Variants in PTPN7 observed in about 807,000 individuals in gnomAD.
The protein encoded by PTPN7 is protein tyrosine phosphatase non-receptor type 7.
PTPN7 carries 33 observed loss-of-function variants against 50.3 expected under a neutral mutation model. The ratio of observed to expected loss-of-function variants is 0.66; its 90% CI spans 0.50 to 0.88. The LOEUF is 0.88. Among genes scored for constraint, PTPN7 ranks in the 40% least tolerant of loss-of-function variants. The pLI, the probability that PTPN7 is intolerant of heterozygous loss-of-function variation, is 0.00. For synonymous variants in PTPN7, 185 were observed against 186.6 expected (o/e 0.99, Z 0.07); for missense variants, 412 against 475.4 (o/e 0.87, Z 1.24).
In PTPN7 at chr1:202,159,307, G is replaced by C; in HGVS notation, c.96C>G (p.Ala32=). ...TCTCCTGCAGTCGCACATGCTTCTTGGCTGGCGTTTTTTCAGGCGGAGGCT... is the reference window on the plus strand; with the variant it reads ...TCTCCTGCAGTCGCACATGCTTCTTCGCTGGCGTTTTTTCAGGCGGAGGCT... ...MTQPPPEKTP[A]KKHVRLQERR... Residue 32 remains alanine (A), a synonymous_variant, in exon 2 of 10, where the codon GCC becomes GCG. Transcript: ENST00000691036. The surrounding 1 kb of genome is among the most constrained non-coding windows in gnomAD (Gnocchi z 4.6). The C allele has an allele frequency of 6.2e-7, 1 of 1,614,206 alleles. No individual in the cohort carries two copies.
chr1:202,148,817 C>T (rs1166154554), intron 9 of PTPN7, 118 bp from the exon 10 acceptor site: 7 of 615,514 alleles, frequency 1.1e-5, no homozygotes, highest in Non-Finnish European at 8.0e-6. Flanking sequence ...AAAGAACATG[C>T]CAACTCCTTT....
chr1:202,148,696 C>T lies in PTPN7; in HGVS notation c.993G>A (p.Gly331=). Residue 331 remains glycine (G), a synonymous_variant, in exon 10 of 10, where the codon GGG becomes GGA. Transcript: ENST00000691036. Reference sequence around the variant, plus strand: ...ACTGCTCTGCCGTCTGGATCATCCCCCCTCTGCAAGGAGAAACACACAGAC... The same window carrying T: ...ACTGCTCTGCCGTCTGGATCATCCCTCCTCTGCAAGGAGAAACACACAGAC... ...GIVCQLRLDR[G]GMIQTAEQYQ... is the part of the protein sequence containing the mutation. The T allele has an allele frequency of 6.2e-7, 1 of 1,613,570 alleles. No homozygotes were observed. The highest frequency in any genetic ancestry group is 2.2e-5 in the East Asian group (1 of 44,876).
intron 2 of PTPN7, 200 bp from the exon 3 acceptor site, chr1:202,158,501 C>CCG: frequency 1.8e-6 from 1 of 547,904 alleles, no homozygotes; most frequent in South Asian, 2.4e-5. Context: ...ACTGGGACCA[C>CCG]AGGTACATGC....
At chr1:202,157,147 A>G (rs1321581471) in intron 4 of PTPN7, among the ~76,000 whole-genome samples, 1 of 152,214 alleles carries the variant, frequency 6.6e-6, no homozygotes, top group Non-Finnish European at 1.5e-5. Flanking sequence ...TCTGTGCCTT[A>G]GTTTCCTCAC....
intron 8 of PTPN7, 42 bp from the exon 9 acceptor site, chr1:202,150,466 C>T: frequency 6.7e-7 from 1 of 1,501,460 alleles, no homozygotes. Context: ...CATGGGAGAC[C>T]AGGGAATATG....
upstream of PTPN7, chr1:202,161,554 G>A (rs377372583): frequency 7.1e-5 from 91 of 1,286,358 alleles, no homozygotes; most frequent in Middle Eastern, 2.1e-4. Context: ...CAGCCCAGCC[G>A]GTTCATGCTC....
Position 202,150,321 on chromosome 1 carries a change from G to T in PTPN7, c.979C>A (p.Arg327=), listed in dbSNP as rs538790408. Reference sequence around the variant, plus strand: ...CACCCACAGACCCACCTGTCTAGCCGCAGTTGGCACACAATACCCAGAATG... The same window carrying T: ...CACCCACAGACCCACCTGTCTAGCCTCAGTTGGCACACAATACCCAGAATG... The part of the protein sequence containing the change: ...VDILGIVCQL[R]LDRGGMIQTA... The change falls in exon 9 of 10, where the codon CGG becomes AGG. Residue 327 remains arginine (R), a synonymous_variant. Coordinates refer to ENST00000691036, the MANE Select transcript of PTPN7 (RefSeq NM_002832.4). The T allele has an allele frequency of 6.2e-7, 1 of 1,611,016 alleles. No homozygotes were observed. The highest frequency in any genetic ancestry group is 1.1e-5 in the South Asian group (1 of 90,326).
At position 202,148,250 on chromosome 1, in the gene PTPN7, AGG is replaced by A. The variant is rs756889334; in HGVS notation, c.*354_*355del. 1.9e-4 allele frequency: 37 copies of A among 193,120 alleles called. No individual in the cohort carries two copies. The highest frequency in any genetic ancestry group is 3.6e-4 in the Non-Finnish European group (34 of 95,222). 12.0% of individuals were successfully genotyped at this position (193,120 alleles called of 1,614,324 possible). ...AGCACTTATGTTCATGTTATAGAAC[AGG>A]AAACTGAAGCTCACAAAGAGTGTCT... On this transcript the variant is annotated 3_prime_UTR_variant, in exon 10 of 10. Coordinates refer to ENST00000691036, the MANE Select transcript of PTPN7 (RefSeq NM_002832.4).
Position 202,152,703 on chromosome 1 carries a change from G to A in PTPN7, c.718-4C>T. On this transcript the variant is annotated splice_region_variant and splice_polypyrimidine_tract_variant and intron_variant, in intron 7 of 9. Coordinates refer to ENST00000691036, the MANE Select transcript of PTPN7 (RefSeq NM_002832.4). ...CTGACCGGCGCTCTTCCTGGTACTGGATTGGAGACAAGGCATGAGAACCAA... is the reference window on the plus strand; with the variant it reads ...CTGACCGGCGCTCTTCCTGGTACTGAATTGGAGACAAGGCATGAGAACCAA... 1.2e-6 allele frequency: 2 copies of A among 1,613,924 alleles called. No homozygotes were observed. Among genetic ancestry groups the A allele is most frequent in the African/African-American group, 2.7e-5 (2 of 75,062 alleles).
At position 202,150,333 on chromosome 1, in the gene PTPN7, C is replaced by T; in HGVS notation, c.967G>A (p.Val323Met). 6.2e-7 allele frequency: 1 copy of T among 1,612,622 alleles called. No individual in the cohort carries two copies. The highest frequency in any genetic ancestry group is 2.2e-5 in the East Asian group (1 of 44,870). Residue 323 changes from valine (V) to methionine (M), a missense_variant, in exon 9 of 10, where the codon GTG becomes ATG. Val to Met is a conservative substitution (Grantham distance 21). Transcript: ENST00000691036. ...CACCTGTCTAGCCGCAGTTGGCACACAATACCCAGAATGTCCACTTCTCCT... is the reference window on the plus strand; with the variant it reads ...CACCTGTCTAGCCGCAGTTGGCACATAATACCCAGAATGTCCACTTCTCCT... The part of the protein sequence containing the change: ...ARGEVDILGI[V>M]CQLRLDRGGM...
chr1:202,155,455 C>T, intron 5 of PTPN7, 78 bp downstream of exon 5: 1 of 1,391,462 alleles, frequency 7.2e-7, no homozygotes, highest in East Asian at 2.3e-5. Context: ...CCTGATCCAC[C>T]AGCCATGGCT....
At chr1:202,151,464 C>T (rs952595463) in intron 8 of PTPN7, among the ~76,000 whole-genome samples, 16 of 152,204 alleles carry the variant, frequency 1.1e-4, no homozygotes, top group African/African-American at 3.1e-4. Context: ...GTTTAGGAGA[C>T]TTGGTTCTAT....
In PTPN7 at chr1:202,152,587, C is replaced by A. The variant is rs766902829; in HGVS notation, c.830G>T (p.Ser277Ile). Residue 277 changes from serine (S) to isoleucine (I), a missense_variant, in exon 8 of 10, where the codon AGC becomes ATC. Physicochemically the swap from Ser to Ile is moderately radical, Grantham distance 142 (BLOSUM62 -2). Transcript: ENST00000691036. ...CCCGGGGTGGGCGGCTGTCTCCGGG[C>A]TCTCCTCCACCTCTGCCACTAGGCG... ...LLRLVAEVEE[S>I]PETAAHPGPI... is the part of the protein sequence containing the mutation. 6.2e-7 allele frequency: 1 copy of A among 1,613,852 alleles called. No individual in the cohort carries two copies. The highest frequency in any genetic ancestry group is 1.7e-5 in the Admixed American group (1 of 60,020).
Position 202,159,206 on chromosome 1 carries a change from G to T in PTPN7, c.122+75C>A. ...CTGGACCCTGCTGTCAGAGCTGGAG[G>T]GGCAGATGGAAGGAAGGGAGGAGCG... On this transcript the variant is annotated intron_variant, in intron 2 of 9. Transcript: ENST00000691036. This position sits in a 1 kb window ranked among gnomAD's most constrained non-coding sequence, Gnocchi z 4.6. 6.9e-7 allele frequency: 1 copy of T among 1,452,808 alleles called. No homozygotes were observed. The highest frequency in any genetic ancestry group is 1.2e-5 in the South Asian group (1 of 83,076). 90.0% of individuals were successfully genotyped at this position (1,452,808 alleles called of 1,614,324 possible). A position where few individuals can be genotyped will look rare whatever the true frequency, so the allele number is the denominator to read the frequency against.
intron 7 of PTPN7, among the ~76,000 whole-genome samples, 177 bp from the exon 8 acceptor site, chr1:202,152,876 T>C (rs1656195732): frequency 6.6e-6 from 1 of 151,966 alleles, no homozygotes; most frequent in African/African-American, 2.4e-5. Flanking sequence ...CCCTTCAAAA[T>C]CCCGGGAAGG....
chr1:202,160,587 G>A lies in PTPN7; in HGVS notation c.-95C>T. 6.4e-7 allele frequency: 1 copy of A among 1,550,408 alleles called. No individual in the cohort carries two copies. Among genetic ancestry groups the A allele is most frequent in the Non-Finnish European group, 8.7e-7 (1 of 1,146,858 alleles). ...CCAGGCTGCCTCTTGCCAGCTGTCT[G>A]TCTGTCTGTCGGTCTGTCTTTGAGG... On this transcript the variant is annotated 5_prime_UTR_variant, in exon 1 of 10. Coordinates refer to ENST00000691036, the MANE Select transcript of PTPN7 (RefSeq NM_002832.4). This position sits in a 1 kb window ranked among gnomAD's most constrained non-coding sequence, Gnocchi z 4.8.
Position 202,152,654 on chromosome 1 carries a change from A to T in PTPN7, c.763T>A (p.Trp255Arg). 1 of 1,614,058 alleles carries T rather than the reference A, an allele frequency of 6.2e-7. No homozygotes were observed. Among genetic ancestry groups the T allele is most frequent in the Non-Finnish European group, 8.5e-7 (1 of 1,180,008 alleles). ...RSVKHILFSA[W>R]PDHQTPESAG... ...GATTCTGGTGTCTGATGGTCTGGCC[A>T]GGCCGAAAAGAGGATGTGCTTTACT... Residue 255 changes from tryptophan (W) to arginine (R), a missense_variant, in exon 8 of 10, where the codon TGG becomes AGG. Physicochemically the swap from Trp to Arg is moderately radical, Grantham distance 101 (BLOSUM62 -3). Coordinates refer to ENST00000691036, the MANE Select transcript of PTPN7 (RefSeq NM_002832.4).
At chr1:202,147,013 G>C (rs562954551), downstream of PTPN7, 1 of 152,258 alleles carries the variant, frequency 6.6e-6, no homozygotes, top group South Asian at 2.1e-4. Flanking sequence ...AAGAAGGAAT[G>C]AGTCAGTCAT....
In PTPN7 at chr1:202,152,738, G is replaced by A. The variant is rs776097369; in HGVS notation, c.718-39C>T. 1.4e-5 allele frequency: 22 copies of A among 1,602,900 alleles called. No individual in the cohort carries two copies. In the South Asian group the frequency reaches 2.4e-4, roughly 18 times the overall value. ...AAGGCATGAGAACCAAGGTCAGGGT[G>A]GAGGGCACTGTCTACCTTCTTCTCT... On this transcript the variant is annotated intron_variant, in intron 7 of 9. Transcript: ENST00000691036.
Sources: allele counts gnomAD v4.1 joint callset (sites outside exome capture counted in the v4.1 genomes callset), GRCh38; gene constraint gnomAD v4.1.1; non-coding constraint Gnocchi (gnomAD v3.1); transcripts MANE v1.5; gene names NCBI Gene and HGNC (gene_info 2026-07-23, HGNC 2026-07-21).